CRTAC1: variants seen among roughly 807,000 people sequenced by gnomAD.
The protein encoded by CRTAC1 is acidic secreted protein in cartilage.
CRTAC1 carries 37 observed loss-of-function variants against 67.8 expected under a neutral mutation model. The ratio of observed to expected loss-of-function variants is 0.55; its 90% CI spans 0.42 to 0.72. CRTAC1 has a LOEUF of 0.72. Ranked by LOEUF, CRTAC1 falls within the 30% of genes least tolerant of loss-of-function variation. The pLI, the probability that CRTAC1 is intolerant of heterozygous loss-of-function variation, is 0.00. For synonymous variants in CRTAC1, 348 were observed against 371.0 expected (o/e 0.94, Z 0.71); for missense variants, 780 against 931.6 (o/e 0.84, Z 2.12).
chr10:97,994,045 T>G (rs1842510780), intron 2 of CRTAC1, among the ~76,000 whole-genome samples: 1 of 152,084 alleles, frequency 6.6e-6, no homozygotes, highest in Non-Finnish European at 1.5e-5. Flanking sequence ...TTAGTAGACA[T>G]GGGGTTTCAC....
At chr10:97,966,900 G>C (rs141320312) in intron 2 of CRTAC1, among the ~76,000 whole-genome samples, 96 of 152,084 alleles carry the variant, frequency 6.3e-4, no homozygotes, top group Non-Finnish European at 4.0e-4. Context: ...ATCATAACCA[G>C]GGCACACACT....
At chr10:97,915,431 C>T (rs780426851) in intron 5 of CRTAC1, among the ~76,000 whole-genome samples, 13 of 152,194 alleles carry the variant, frequency 8.5e-5, no homozygotes, top group African/African-American at 3.1e-4. Context: ...TGCTGTGTGG[C>T]TTGGCTCCAG....
chr10:97,926,175 C>T (rs1349371090), intron 3 of CRTAC1, among the ~76,000 whole-genome samples: 1 of 152,136 alleles, frequency 6.6e-6, no homozygotes, highest in Non-Finnish European at 1.5e-5. Flanking sequence ...TCTGTGGAGC[C>T]CAGAAGGGAC....
At chr10:98,023,539 T>G (rs1442855465) in intron 1 of CRTAC1, among the ~76,000 whole-genome samples, 1 of 152,194 alleles carries the variant, frequency 6.6e-6, no homozygotes, top group Non-Finnish European at 1.5e-5. Flanking sequence ...GGACTCTTAT[T>G]TCCCCACCTG....
chr10:97,964,807 G>A lies in CRTAC1; in HGVS notation c.225-28441C>T, dbSNP rs538374698. ...TACCTTGATGTTCCTGAAATGATCA[G>A]TCTTTAAAACCAAAGTAAGTTGGTC... On this transcript the variant is annotated intron_variant, in intron 2 of 14. Coordinates refer to ENST00000370597, the MANE Select transcript of CRTAC1 (RefSeq NM_018058.7). 2.8e-4 allele frequency among the ~76,000 whole-genome samples: 42 copies of A among 152,294 alleles called. 1 individual carries two copies. In the South Asian group the frequency reaches 8.7e-3, roughly 32 times the overall value.
At chr10:97,907,943 G>C (rs1262497391) in intron 6 of CRTAC1, 70 bp downstream of exon 6, 2 of 1,552,312 alleles carry the variant, frequency 1.3e-6, no homozygotes, top group East Asian at 4.5e-5. Context: ...AGGGGGCAGG[G>C]CAGTCTGGAG....
At chr10:97,909,653 A>G (rs2050662085) in intron 5 of CRTAC1, among the ~76,000 whole-genome samples, 1 of 152,234 alleles carries the variant, frequency 6.6e-6, no homozygotes, top group Admixed American at 6.5e-5. Flanking sequence ...AAGGCTCCTT[A>G]AAAATTAAAA....
chr10:97,974,487 A>G (rs1168109027), intron 2 of CRTAC1, among the ~76,000 whole-genome samples: 3 of 152,248 alleles, frequency 2.0e-5, no homozygotes, highest in African/African-American at 7.2e-5. Flanking sequence ...AGAATTGTGT[A>G]TCCAGGACTG....
chr10:97,915,737 G>A (rs2050750919), intron 5 of CRTAC1, among the ~76,000 whole-genome samples: 1 of 152,174 alleles, frequency 6.6e-6, no homozygotes, highest in South Asian at 2.1e-4. Context: ...GCAGGGAAAG[G>A]GTGGGCTGGA....
At chr10:97,889,549 G>A (rs2050336526) in intron 11 of CRTAC1, among the ~76,000 whole-genome samples, 1 of 151,980 alleles carries the variant, frequency 6.6e-6, no homozygotes, top group Non-Finnish European at 1.5e-5. Flanking sequence ...TGGGCCCTCT[G>A]GGAACCCCGC....
chr10:97,881,522 G>A (rs1456971599), intron 13 of CRTAC1, among the ~76,000 whole-genome samples: 2 of 152,204 alleles, frequency 1.3e-5, no homozygotes, highest in African/African-American at 2.4e-5. Context: ...CCCTCTTGTG[G>A]AGGCGCGGGG....
At chr10:97,958,332 A>T (rs908486507) in intron 2 of CRTAC1, among the ~76,000 whole-genome samples, 1 of 152,196 alleles carries the variant, frequency 6.6e-6, no homozygotes, top group Non-Finnish European at 1.5e-5. Context: ...TCTCTCAAAG[A>T]TACCTCAGTG....
intron 4 of CRTAC1, among the ~76,000 whole-genome samples, chr10:97,919,144 AGTCT>A (rs1411119586): frequency 2.6e-5 from 4 of 152,052 alleles, no homozygotes; most frequent in Non-Finnish European, 5.9e-5. Flanking sequence ...GAGCCACATG[AGTCT>A]GTCTGACTGG....
chr10:98,002,942 CT>C (rs1237565507), intron 2 of CRTAC1, among the ~76,000 whole-genome samples: 1 of 150,348 alleles, frequency 6.7e-6, no homozygotes, highest in African/African-American at 2.4e-5. Flanking sequence ...CCACACCCAG[CT>C]AATTTTTTTT....
intron 14 of CRTAC1, chr10:97,879,552 CT>C (rs959813820): frequency 1.7e-5 from 20 of 1,170,188 alleles, no homozygotes; most frequent in Admixed American, 1.6e-4. Flanking sequence ...ATGGCCACCC[CT>C]GTTGTCCATT....
rs566844515 is a variant in CRTAC1 at position 97,943,604 on chromosome 10, G to T, written c.225-7238C>A. On this transcript the variant is annotated intron_variant, in intron 2 of 14. Coordinates refer to ENST00000370597, the MANE Select transcript of CRTAC1 (RefSeq NM_018058.7). ...TAGATACACAAAGTTTCTGAGAAAAGTGACTTCTAAAGTCAAACAGCTGGT... is the reference window on the plus strand; with the variant it reads ...TAGATACACAAAGTTTCTGAGAAAATTGACTTCTAAAGTCAAACAGCTGGT... Among the ~76,000 whole-genome samples, 184 of 152,364 alleles carry T rather than the reference G, an allele frequency of 1.2e-3. 1 individual carries two copies. The highest frequency in any genetic ancestry group is 4.1e-3 in the African/African-American group (170 of 41,582).
intron 2 of CRTAC1, among the ~76,000 whole-genome samples, chr10:97,944,158 T>C (rs2051223193): frequency 6.6e-6 from 1 of 152,180 alleles, no homozygotes. Context: ...CCAGGTGCAG[T>C]GCCTCATGCC....
In CRTAC1 at chr10:97,999,458, G is replaced by A. The variant is rs187399204; in HGVS notation, c.224+11680C>T. Among the ~76,000 whole-genome samples the A allele has an allele frequency of 7.2e-5, 11 of 152,350 alleles. No homozygotes were observed. The East Asian group carries it at 7.7e-4, about 11-fold the overall frequency. On this transcript the variant is annotated intron_variant, in intron 2 of 14. Coordinates refer to ENST00000370597, the MANE Select transcript of CRTAC1 (RefSeq NM_018058.7). ...TCAGGGCAGTGCTGACATGCCAGCC[G>A]CCTGCTGCCTCTTCCCCCTCTGGAC...
intron 2 of CRTAC1, among the ~76,000 whole-genome samples, chr10:97,973,664 G>A (rs1328003268): frequency 6.6e-6 from 1 of 152,130 alleles, no homozygotes; most frequent in Non-Finnish European, 1.5e-5. Flanking sequence ...AGCTTTCTGA[G>A]GCATCTGATG....
Sources: gnomAD v4.1 joint callset for allele counts (sites outside exome capture counted in the v4.1 genomes callset) on GRCh38, gnomAD v4.1.1 for gene constraint, MANE v1.5 for transcripts, NCBI Gene and HGNC (gene_info 2026-07-23, HGNC 2026-07-21) for gene names.